The following AIDA variants were observed in gnomAD, a reference collection of about 807,000 sequenced individuals.
The protein encoded by AIDA is axin interactor, dorsalization-associated protein.
AIDA carries 18 observed loss-of-function variants against 42.7 expected under a neutral mutation model. The observed-to-expected ratio is 0.42, with a 90% CI of 0.29 to 0.63. The LOEUF (loss-of-function observed/expected upper bound fraction) is 0.63, where lower values mean the gene tolerates loss of function less well. Among genes scored for constraint, AIDA ranks in the 20% least tolerant of loss-of-function variants. The pLI is 0.19. For missense variants in AIDA, 250 were observed against 354.1 expected, an observed-to-expected ratio of 0.71 and a Z score of 2.36; for synonymous variants, 104 against 122.9, an observed-to-expected ratio of 0.85 and a Z score of 1.02.
chr1:222,676,129 A>T lies in AIDA; in HGVS notation c.550T>A (p.Cys184Ser). 2 of 1,611,728 alleles carry T rather than the reference A, an allele frequency of 1.2e-6. No individual in the cohort carries two copies. Among genetic ancestry groups the T allele is most frequent in the South Asian group, 1.1e-5 (1 of 90,496 alleles). The part of the protein sequence containing the change: ...EKIGLKDAGQ[C>S]IDPYITVSVK... ...CTAACTGTAATATAGGGATCGATGC[A>T]CTGCCCAGCATCTTTCAAACCAATT... The change falls in exon 7 of 10, where the codon TGC (cysteine) becomes AGC (serine). Residue 184 changes from cysteine (C) to serine (S), a missense_variant. This residue lies in a region of AIDA where 199 missense variants were observed against 232.6 expected (regional missense o/e 0.86). Coordinates refer to ENST00000340020, the MANE Select transcript of AIDA (RefSeq NM_022831.4).
intron 2 of AIDA, among the ~76,000 whole-genome samples, chr1:222,701,442 A>G (rs1226950849): frequency 6.6e-6 from 1 of 152,220 alleles, no homozygotes; most frequent in Non-Finnish European, 1.5e-5. Flanking sequence ...TTCTGTTTCC[A>G]TATTCATAAC....
Position 222,673,315 on chromosome 1 carries a change from T to G in AIDA, c.704A>C (p.Lys235Thr), listed in dbSNP as rs908894658. ...AAGTATTATTTAGGATTACAAACCT[T>G]TGGTTAATTTTTCAACATGCTTCTG... is the stretch of plus-strand genomic sequence containing the variant. Reference protein sequence around the residue: ...ELQKHVEKLTKGAAIFFEFKH... With the variant: ...ELQKHVEKLTTGAAIFFEFKH... Residue 235 changes from lysine to threonine, a missense_variant and splice_region_variant, in exon 8 of 10, where the codon AAA (lysine) becomes ACA (threonine). By Grantham distance (78) the Lys-to-Thr change is moderately conservative. Coordinates refer to ENST00000340020, the MANE Select transcript of AIDA (RefSeq NM_022831.4). The G allele has an allele frequency of 1.9e-6, 3 of 1,603,182 alleles. No individual in the cohort carries two copies. The African/African-American group carries it at 4.0e-5, about 22-fold the overall frequency.
At chr1:222,699,770 T>C (rs1353623259) in intron 2 of AIDA, among the ~76,000 whole-genome samples, 1 of 151,916 alleles carries the variant, frequency 6.6e-6, no homozygotes, top group Non-Finnish European at 1.5e-5. Context: ...TTAAAGAAAA[T>C]TAAACTTTTT....
chr1:222,689,481 G>GTATGTATATATATA lies in AIDA; in HGVS notation c.290-1824_290-1823insTATATATATACATA, dbSNP rs1553294373. 2.3e-4 allele frequency among the ~76,000 whole-genome samples: 8 copies of GTATGTATATATATA among 35,362 alleles called. 1 individual carries two copies. Among genetic ancestry groups the GTATGTATATATATA allele is most frequent in the Admixed American group, 5.3e-4 (1 of 1,898 alleles). 23.2% of individuals were successfully genotyped at this position (35,362 alleles called of 152,430 possible). Reference sequence around the variant, plus strand: ...AAAGAAAATATGTATGTGTGTGTGTGTATATATATATATATATATATATAT... The same window carrying GTATGTATATATATA: ...AAAGAAAATATGTATGTGTGTGTGTGTATGTATATATATATATATATATATATATATATATATAT... On this transcript the variant is annotated intron_variant, in intron 4 of 9. Coordinates refer to ENST00000340020, the MANE Select transcript of AIDA (RefSeq NM_022831.4).
In AIDA at chr1:222,669,740, C is replaced by G. The variant is rs1177323975; in HGVS notation, c.*153G>C. On this transcript the variant is annotated 3_prime_UTR_variant, in exon 10 of 10. Transcript: ENST00000340020. ...AGTGTGATGTGCTGGACTCTGAATTCTGTGGTACAGCTTTGCATTGGACTC... is the reference window on the plus strand; with the variant it reads ...AGTGTGATGTGCTGGACTCTGAATTGTGTGGTACAGCTTTGCATTGGACTC... 1.2e-5 allele frequency: 10 copies of G among 821,596 alleles called. No homozygotes were observed. Among genetic ancestry groups the G allele is most frequent in the Non-Finnish European group, 1.9e-5 (10 of 528,594 alleles). The allele number at this position is 821,596 out of a possible 1,614,324, so 50.9% of individuals were successfully genotyped here.
At chr1:222,698,928 C>T (rs1301900716) in intron 2 of AIDA, among the ~76,000 whole-genome samples, 1 of 151,852 alleles carries the variant, frequency 6.6e-6, no homozygotes, top group Non-Finnish European at 1.5e-5. Flanking sequence ...CAGGTTCATG[C>T]CATTGTTCTG....
intron 4 of AIDA, among the ~76,000 whole-genome samples, chr1:222,690,747 A>G (rs1193100664): frequency 2.0e-5 from 3 of 151,772 alleles, no homozygotes; most frequent in Non-Finnish European, 4.4e-5. Context: ...ATAATCTTAT[A>G]TACATAATCC....
chr1:222,690,679 T>C (rs547883210), intron 4 of AIDA, among the ~76,000 whole-genome samples: 205 of 38,600 alleles, frequency 5.3e-3, no homozygotes, highest in Non-Finnish European at 7.8e-3. Flanking sequence ...TACGTTTATA[T>C]GTATATAATC....
chr1:222,696,606 T>C (rs1044281873), intron 2 of AIDA, among the ~76,000 whole-genome samples: 1 of 152,216 alleles, frequency 6.6e-6, no homozygotes, highest in African/African-American at 2.4e-5. Context: ...ATTGGGAGCA[T>C]TCAGGGTGGT....
At chr1:222,703,033 T>G in intron 2 of AIDA, 115 bp downstream of exon 2, 1 of 710,524 alleles carries the variant, frequency 1.4e-6, no homozygotes, top group Non-Finnish European at 2.3e-6. Context: ...TCTTTTTACT[T>G]AAGTATAACA....
At chr1:222,687,193 G>T in intron 5 of AIDA, 157 bp from the exon 6 acceptor site, 1 of 716,464 alleles carries the variant, frequency 1.4e-6, no homozygotes, top group Non-Finnish European at 1.7e-6. Flanking sequence ...ACTTTTGGAG[G>T]CCGAGGCGGG....
chr1:222,712,134 G>A, intron 1 of AIDA, 74 bp downstream of exon 1: 2 of 1,546,270 alleles, frequency 1.3e-6, no homozygotes, highest in Non-Finnish European at 1.7e-6. Flanking sequence ...ACGGTGATGA[G>A]AGACACCGAC....
intron 2 of AIDA, among the ~76,000 whole-genome samples, chr1:222,700,990 TCTCA>T (rs1192564399): frequency 3.5e-5 from 4 of 115,780 alleles, no homozygotes; most frequent in Non-Finnish European, 5.2e-5. Context: ...GGGGACAGGG[TCTCA>T]CTGTGTCGCC....
At chr1:222,710,586 T>C (rs1211889404) in intron 1 of AIDA, among the ~76,000 whole-genome samples, 1 of 152,206 alleles carries the variant, frequency 6.6e-6, no homozygotes, top group African/African-American at 2.4e-5. Flanking sequence ...TATACATAGG[T>C]GCTTACTAAT....
Position 222,706,740 on chromosome 1 carries a change from C to T in AIDA, c.111-3523G>A, listed in dbSNP as rs1010483115. Among the ~76,000 whole-genome samples, 13 of 151,360 alleles carry T rather than the reference C, an allele frequency of 8.6e-5. No homozygotes were observed. In the East Asian group the frequency reaches 9.7e-4, roughly 11 times the overall value. On this transcript the variant is annotated intron_variant, in intron 1 of 9. Coordinates refer to ENST00000340020, the MANE Select transcript of AIDA (RefSeq NM_022831.4). Reference sequence around the variant, plus strand: ...CAAAAATTAGCCAGGCGTGGTGATGCGCACCTGTAATCCCAGCTACTCAGG... The same window carrying T: ...CAAAAATTAGCCAGGCGTGGTGATGTGCACCTGTAATCCCAGCTACTCAGG...
chr1:222,675,927 T>A (rs1284197773), intron 7 of AIDA, among the ~76,000 whole-genome samples, 169 bp downstream of exon 7: 2 of 152,226 alleles, frequency 1.3e-5, no homozygotes, highest in Non-Finnish European at 2.9e-5. Context: ...AAGTGTTCTG[T>A]GAAGAAGTGA....
At chr1:222,697,227 G>A (rs559799322) in intron 2 of AIDA, among the ~76,000 whole-genome samples, 77 of 151,956 alleles carry the variant, frequency 5.1e-4, no homozygotes, top group African/African-American at 1.6e-3. Context: ...ACAGGCATGA[G>A]CCACTGTGCC....
rs558657045 is a variant in AIDA at position 222,708,963 on chromosome 1, TAAAC to T, written c.110+3241_110+3244del. On this transcript the variant is annotated intron_variant, in intron 1 of 9. Transcript: ENST00000340020. The stretch of plus-strand genomic sequence containing the variant: ...TTCAATAGAATAATTACATAATATC[TAAAC>T]AAACAATGACGTGTGGATAGCCTAG... Among the ~76,000 whole-genome samples the T allele has an allele frequency of 3.7e-3, 557 of 152,198 alleles. 1 individual carries two copies. The highest frequency in any genetic ancestry group is 6.1e-3 in the Non-Finnish European group (415 of 68,016).
chr1:222,673,243 C>G lies in AIDA; in HGVS notation c.706+70G>C, dbSNP rs151256308. ...CAGATACTAACTATGCTAGGTCCAC[C>G]ATATGTACAAACACAAATAAGATGA... On this transcript the variant is annotated intron_variant, in intron 8 of 9. Coordinates refer to ENST00000340020, the MANE Select transcript of AIDA (RefSeq NM_022831.4). 2.5e-4 allele frequency: 352 copies of G among 1,425,012 alleles called. 2 individuals are homozygous for G. The African/African-American group carries it at 4.7e-3, about 19-fold the overall frequency. The allele number at this position is 1,425,012 out of a possible 1,614,324, so 88.3% of individuals were successfully genotyped here.
Sources: allele counts gnomAD v4.1 joint callset (sites outside exome capture counted in the v4.1 genomes callset), GRCh38; gene constraint gnomAD v4.1.1; regional missense constraint gnomAD v4.1.1; transcripts MANE v1.5; gene names NCBI Gene and HGNC (gene_info 2026-07-23, HGNC 2026-07-21).